MTA3: variants seen among roughly 807,000 people sequenced by gnomAD.
MTA3 encodes the protein metastasis associated 1 family member 3, also known as metastasis-associated protein MTA3.
Under a neutral mutation model 83.5 loss-of-function variants are expected in MTA3, and 34 were observed. The ratio of observed to expected loss-of-function variants is 0.41; its 90% CI spans 0.31 to 0.54. The LOEUF is 0.54. Ranked by LOEUF, MTA3 falls within the 20% of genes least tolerant of loss-of-function variation. The probability of loss-of-function intolerance (pLI) is 0.33; values close to 1 mark genes in which losing one functional copy is unlikely to be tolerated. For missense variants in MTA3, 761 were observed against 726.4 expected (o/e 1.05, Z -0.55); for synonymous variants, 303 against 252.7 (o/e 1.20, Z -1.89).
At chr2:42,503,966 C>T (rs1438515095) in intron 2 of MTA3, among the ~76,000 whole-genome samples, 1 of 149,068 alleles carries the variant, frequency 6.7e-6, no homozygotes, top group African/African-American at 2.5e-5. Flanking sequence ...TCTTGTCACC[C>T]AGGCTGGTGT....
upstream of MTA3, among the ~76,000 whole-genome samples, chr2:42,565,958 C>T (rs539447460): frequency 7.2e-5 from 11 of 152,128 alleles, no homozygotes; most frequent in South Asian, 2.1e-4. Context: ...GAGCCGAATC[C>T]GAATCGTGCC....
At chr2:42,606,675 G>A (rs1573226294) in intron 3 of MTA3, among the ~76,000 whole-genome samples, 1 of 151,092 alleles carries the variant, frequency 6.6e-6, no homozygotes, top group East Asian at 2.0e-4. Context: ...TCCCAGACGG[G>A]GTGGCGGCTG....
At chr2:42,627,463 T>G (rs1036972405) in intron 4 of MTA3, among the ~76,000 whole-genome samples, 4 of 152,210 alleles carry the variant, frequency 2.6e-5, no homozygotes, top group African/African-American at 9.6e-5. Context: ...TTCTTAGTCT[T>G]TTCTTCTTAG....
intron 2 of MTA3, among the ~76,000 whole-genome samples, chr2:42,539,975 C>T (rs1336283132): frequency 1.3e-5 from 2 of 152,102 alleles, no homozygotes; most frequent in Non-Finnish European, 2.9e-5. Context: ...ATGGCTTCTT[C>T]TGCTCAGCTA....
chr2:42,672,343 T>TAAAA (rs573876669), intron 8 of MTA3, among the ~76,000 whole-genome samples: 1 of 140,254 alleles, frequency 7.1e-6, no homozygotes. Flanking sequence ...TCCTCTCTAT[T>TAAAA]AAAAAAAAAA....
At chr2:42,663,926 T>C (rs74754398) in intron 8 of MTA3, among the ~76,000 whole-genome samples, 2,236 of 152,298 alleles carry the variant, frequency 0.015, 56 homozygotes, top group African/African-American at 0.05. Flanking sequence ...TTTCTAGTTA[T>C]TTATTACCGT....
At chr2:42,562,176 T>G (rs1323611382) in intron 2 of MTA3, among the ~76,000 whole-genome samples, 1 of 152,186 alleles carries the variant, frequency 6.6e-6, no homozygotes, top group Admixed American at 6.5e-5. Flanking sequence ...GTCATTAGAC[T>G]TAGGGTCCAT....
intron 3 of MTA3, among the ~76,000 whole-genome samples, chr2:42,605,063 A>G (rs1321224893): frequency 1.3e-5 from 2 of 150,756 alleles, no homozygotes; most frequent in Admixed American, 6.6e-5. Flanking sequence ...CAAAGCTGCC[A>G]TTGTCATCCT....
At chr2:42,686,176 A>C (rs1278491525) in intron 9 of MTA3, among the ~76,000 whole-genome samples, 1 of 152,200 alleles carries the variant, frequency 6.6e-6, no homozygotes, top group Non-Finnish European at 1.5e-5. Context: ...AGTTTTCCCA[A>C]GTGAATGCAT....
At chr2:42,601,440 C>G (rs1198728177) in intron 3 of MTA3, among the ~76,000 whole-genome samples, 3 of 152,156 alleles carry the variant, frequency 2.0e-5, no homozygotes, top group Non-Finnish European at 4.4e-5. Flanking sequence ...AAATACTGCT[C>G]ACAACACTGT....
At chr2:42,577,104 A>AT (rs1271223281) in intron 2 of MTA3, among the ~76,000 whole-genome samples, 5 of 72,938 alleles carry the variant, frequency 6.9e-5, no homozygotes, top group East Asian at 3.2e-4. Flanking sequence ...AAAAAAAAAA[A>AT]AATATATATA....
chr2:42,660,036 A>G (rs1413188199), intron 8 of MTA3, among the ~76,000 whole-genome samples, 174 bp downstream of exon 8: 2 of 150,246 alleles, frequency 1.3e-5, no homozygotes, highest in Admixed American at 1.3e-4. Flanking sequence ...CTCGTCTGTG[A>G]GTTGAGAGTT....
chr2:42,644,558 A>G (rs1455063190), intron 6 of MTA3, among the ~76,000 whole-genome samples: 2 of 152,116 alleles, frequency 1.3e-5, no homozygotes, highest in Admixed American at 6.6e-5. Flanking sequence ...CCTCATTTTA[A>G]TGTACTTTGT....
At chr2:42,674,504 C>T (rs1190335124) in intron 8 of MTA3, among the ~76,000 whole-genome samples, 2 of 151,944 alleles carry the variant, frequency 1.3e-5, no homozygotes, top group Admixed American at 6.6e-5. Flanking sequence ...TTGAATGGAT[C>T]GTGCAATGTG....
intron 3 of MTA3, among the ~76,000 whole-genome samples, chr2:42,606,433 C>T (rs1484978751): frequency 4.0e-5 from 6 of 150,248 alleles, no homozygotes; most frequent in Admixed American, 2.0e-4. Context: ...GGCGGCGGGG[C>T]AGAGGCGCTC....
In MTA3 at chr2:42,682,409, T is replaced by C. The variant is rs370693719; in HGVS notation, c.711T>C (p.Ala237=). 4.4e-6 allele frequency: 7 copies of C among 1,591,958 alleles called. No homozygotes were observed. Among genetic ancestry groups the C allele is most frequent in the East Asian group, 2.2e-5 (1 of 44,500 alleles). ...AASRDITLFH[A]MDTLYRHSYD... is the part of the protein sequence containing the mutation. The stretch of plus-strand genomic sequence containing the variant: ...TCATTTTGTTTCTTTAGTTTCACGC[T>C]ATGGATACATTGTATAGACACAGCT... Residue 237 remains alanine, a synonymous_variant, in exon 9 of 17, where the codon GCT becomes GCC. Transcript: ENST00000405094.
chr2:42,573,965 C>A (rs1030984841), intron 2 of MTA3, among the ~76,000 whole-genome samples: 6 of 151,326 alleles, frequency 4.0e-5, no homozygotes, highest in Non-Finnish European at 8.8e-5. Flanking sequence ...ACTACAGGAG[C>A]CTGCCACTAC....
intron 9 of MTA3, among the ~76,000 whole-genome samples, chr2:42,683,578 A>G (rs74360517): frequency 0.015 from 2,210 of 152,266 alleles, 54 homozygotes; most frequent in African/African-American, 0.049. Flanking sequence ...ATAATGGAGA[A>G]TCAGTGAGAC....
intron 2 of MTA3, among the ~76,000 whole-genome samples, chr2:42,536,752 A>G (rs368032837): frequency 9.6e-5 from 14 of 145,330 alleles, no homozygotes; most frequent in African/African-American, 3.3e-4. Flanking sequence ...CCAGCTACTC[A>G]GGAGGCTGAG....
Sources: gnomAD v4.1 joint callset for allele counts (sites outside exome capture counted in the v4.1 genomes callset) on GRCh38, gnomAD v4.1.1 for gene constraint, MANE v1.5 for transcripts, NCBI Gene and HGNC (gene_info 2026-07-23, HGNC 2026-07-21) for gene names.